Variants in ST7L observed in about 807,000 individuals in gnomAD.
ST7L encodes the protein suppression of tumorigenicity 7 like.
ST7L carries 57 observed loss-of-function variants against 72.5 expected under a neutral mutation model. That is an observed-to-expected ratio of 0.79 (90% confidence interval 0.64 to 0.98). The LOEUF (loss-of-function observed/expected upper bound fraction) is 0.98, where lower values mean the gene tolerates loss of function less well. Among genes scored for constraint, ST7L ranks in the 50% least tolerant of loss-of-function variants. The probability of loss-of-function intolerance (pLI) is 0.00; values close to 1 mark genes in which losing one functional copy is unlikely to be tolerated. For missense variants in ST7L, 576 were observed against 672.2 expected, an observed-to-expected ratio of 0.86 and a Z score of 1.58; for synonymous variants, 221 against 240.9, an observed-to-expected ratio of 0.92 and a Z score of 0.77.
At chr1:112,520,316 C>T (rs201658677), downstream of ST7L, 8 of 1,614,184 alleles carry the variant, frequency 5.0e-6, no homozygotes, top group Middle Eastern at 1.6e-4. Context: ...TGCAGCAAGA[C>T]ATCAAAAGGA....
intron 1 of ST7L, chr1:112,618,332 C>A (rs1052921806): frequency 1.1e-6 from 1 of 930,684 alleles, no homozygotes; most frequent in Non-Finnish European, 1.3e-6. Flanking sequence ...GTTTGTGGCG[C>A]TCTCACTTCC....
At chr1:112,565,728 GA>G (rs1178817046) in intron 11 of ST7L, among the ~76,000 whole-genome samples, 11 of 152,006 alleles carry the variant, frequency 7.2e-5, no homozygotes, top group Non-Finnish European at 7.4e-5. Flanking sequence ...ACAACTCAAA[GA>G]AGATGGGCCA....
At chr1:112,526,307 A>G in intron 14 of ST7L, 196 bp from the exon 15 acceptor site, 1 of 552,644 alleles carries the variant, frequency 1.8e-6, no homozygotes, top group African/African-American at 1.9e-5. Flanking sequence ...TCCACATTTA[A>G]ACAACTCTGG....
chr1:112,587,165 T>C (rs1288059905), intron 6 of ST7L, among the ~76,000 whole-genome samples: 1 of 152,244 alleles, frequency 6.6e-6, no homozygotes, highest in Non-Finnish European at 1.5e-5. Context: ...ATTTAGGTCC[T>C]TGATTGATTT....
At chr1:112,519,078 C>T (rs1051409503), downstream of ST7L, among the ~76,000 whole-genome samples, 1 of 152,084 alleles carries the variant, frequency 6.6e-6, no homozygotes, top group Non-Finnish European at 1.5e-5. Flanking sequence ...GTTTTTGGTG[C>T]CCAAGAGGAC....
At chr1:112,539,353 T>A (rs1263840192) in intron 14 of ST7L, 1 of 152,204 alleles carries the variant, frequency 6.6e-6, no homozygotes, top group Non-Finnish European at 1.5e-5. Flanking sequence ...ATCTACACAT[T>A]GTGTTTATAA....
intron 14 of ST7L, among the ~76,000 whole-genome samples, chr1:112,533,616 GTTCT>G (rs2101238180): frequency 6.6e-6 from 1 of 151,392 alleles, no homozygotes; most frequent in African/African-American, 2.4e-5. Flanking sequence ...GCCCGGCTGA[GTTCT>G]TTATTTTTAA....
chr1:112,576,068 T>C (rs1663045433), intron 11 of ST7L, among the ~76,000 whole-genome samples: 1 of 152,140 alleles, frequency 6.6e-6, no homozygotes, highest in African/African-American at 2.4e-5. Flanking sequence ...CTATACTTCC[T>C]AACATGGGGC....
At chr1:112,529,659 A>G (rs570471775) in intron 14 of ST7L, 17 of 151,370 alleles carry the variant, frequency 1.1e-4, no homozygotes, top group African/African-American at 4.1e-4. Context: ...GGGAAATGTT[A>G]TTGCTCAAAA....
In ST7L at chr1:112,600,282, C is replaced by T. The variant is rs1310050488; in HGVS notation, c.506+512G>A. On this transcript the variant is annotated intron_variant, in intron 4 of 14. Transcript: ENST00000358039. ...TGAACTCCTGACTTCAAGTGATCCG[C>T]CCACCTTGGCCTCCCAAAGTGCTGG... 4.6e-5 allele frequency among the ~76,000 whole-genome samples: 7 copies of T among 152,250 alleles called. No individual in the cohort carries two copies. In the East Asian group the frequency reaches 1.3e-3, roughly 29 times the overall value.
chr1:112,603,723 A>G (rs193204251), intron 3 of ST7L, among the ~76,000 whole-genome samples: 40 of 152,382 alleles, frequency 2.6e-4, no homozygotes, highest in Admixed American at 1.6e-3. Flanking sequence ...TCTAGAGGCT[A>G]GAAGTCTGAG....
intron 5 of ST7L, among the ~76,000 whole-genome samples, chr1:112,593,902 G>A (rs1428094110): frequency 1.3e-5 from 2 of 152,076 alleles, no homozygotes; most frequent in East Asian, 1.9e-4. Flanking sequence ...ACCTTTATGT[G>A]AGGGTCTGAA....
upstream of ST7L, chr1:112,619,145 A>C (rs898771054): frequency 1.2e-6 from 2 of 1,605,266 alleles, no homozygotes; most frequent in Non-Finnish European, 1.7e-6. Flanking sequence ...AGGAGCTGGG[A>C]GGGGAGAAGG....
chr1:112,529,503 T>G (rs1192594291), intron 14 of ST7L: 2 of 152,182 alleles, frequency 1.3e-5, no homozygotes, highest in Admixed American at 6.5e-5. Flanking sequence ...TCATGCTGGT[T>G]GTTTTATTTA....
chr1:112,541,325 G>GT (rs1177798699), intron 14 of ST7L, among the ~76,000 whole-genome samples: 2 of 151,728 alleles, frequency 1.3e-5, no homozygotes, highest in Non-Finnish European at 1.5e-5. Context: ...ACCCACTCTA[G>GT]TATCAGTCCT....
downstream of ST7L, chr1:112,521,609 G>C (rs1652886518): frequency 6.6e-6 from 1 of 152,384 alleles, no homozygotes; most frequent in South Asian, 2.1e-4. Context: ...GTGATACACA[G>C]CTTAGAAGGC....
rs1570813830 is a variant in ST7L, at chr1:112,524,769, G to C, written c.*1244C>G. 1.3e-5 allele frequency: 2 copies of C among 152,018 alleles called. No homozygotes were observed. Among genetic ancestry groups the C allele is most frequent in the South Asian group, 2.1e-4 (1 of 4,816 alleles). 9.4% of individuals were successfully genotyped at this position (152,018 alleles called of 1,614,324 possible). ...CCATGAGGTTACACACACACACACA[G>C]AGGTGTACATATACAGACACATAGA... is the stretch of plus-strand genomic sequence containing the variant. On this transcript the variant is annotated 3_prime_UTR_variant, in exon 15 of 15. Transcript: ENST00000358039.
At chr1:112,521,681 T>G (rs889271545), downstream of ST7L, 1 of 152,176 alleles carries the variant, frequency 6.6e-6, no homozygotes, top group Non-Finnish European at 1.5e-5. Flanking sequence ...TAGTGATTAT[T>G]ATTATTGTTC....
intron 6 of ST7L, among the ~76,000 whole-genome samples, chr1:112,585,691 C>T (rs1292413140): frequency 6.6e-6 from 1 of 151,346 alleles, no homozygotes; most frequent in African/African-American, 2.4e-5. Context: ...CAAGATTGCA[C>T]CACTGCACTC....
Sources: allele counts gnomAD v4.1 joint callset (sites outside exome capture counted in the v4.1 genomes callset), GRCh38; gene constraint gnomAD v4.1.1; transcripts MANE v1.5; gene names NCBI Gene and HGNC (gene_info 2026-07-23, HGNC 2026-07-21).